UNKL: variants seen among roughly 807,000 people sequenced by gnomAD.
UNKL encodes the protein putative E3 ubiquitin-protein ligase UNKL.
A neutral mutation model predicts 78.0 loss-of-function variants in UNKL; 60 were observed. The ratio of observed to expected loss-of-function variants is 0.77; its 90% CI spans 0.63 to 0.95. The LOEUF (loss-of-function observed/expected upper bound fraction) is 0.95, where lower values mean the gene tolerates loss of function less well. Ranked by LOEUF, UNKL falls within the 40% of genes least tolerant of loss-of-function variation. The probability of loss-of-function intolerance (pLI) is 0.00; values close to 1 mark genes in which losing one functional copy is unlikely to be tolerated. For missense variants in UNKL, 1,159 were observed against 1,045.7 expected, an observed-to-expected ratio of 1.11 and a Z score of -1.49; for synonymous variants, 608 against 474.8, an observed-to-expected ratio of 1.28 and a Z score of -3.65.
chr16:1,394,199 T>C lies in UNKL; in HGVS notation c.869A>G (p.Lys290Arg). 1 of 1,550,660 alleles carries C rather than the reference T, an allele frequency of 6.4e-7. No homozygotes were observed. Among genetic ancestry groups the C allele is most frequent in the East Asian group, 2.4e-5 (1 of 40,920 alleles). Reference protein sequence around the residue: ...QFHPEIYKSTKCNDMRQTGYC... With the variant: ...QFHPEIYKSTRCNDMRQTGYC... ...CCCGGTTTGGCGCATGTCGTTGCAT[T>C]TTGTAGATTTGTAGATCTGGGGAAA... is the stretch of plus-strand genomic sequence containing the variant. Residue 290 changes from lysine to arginine, a missense_variant, in exon 7 of 15, where the codon AAA becomes AGA. Lys to Arg is a conservative substitution (Grantham distance 26, BLOSUM62 2). Coordinates refer to ENST00000389221, the MANE Select transcript of UNKL (RefSeq NM_001372107.1).
chr16:1,370,023 G>A (rs542399295), intron 12 of UNKL, 107 bp downstream of exon 12: 3 of 1,551,258 alleles, frequency 1.9e-6, no homozygotes, highest in East Asian at 4.9e-5. Context: ...TGCCACCACA[G>A]ATAGGGCACA....
rs1001714659 is a variant in UNKL, at chr16:1,400,404, C to T, written c.599-895G>A. On this transcript the variant is annotated intron_variant, in intron 4 of 14. Coordinates refer to ENST00000389221, the MANE Select transcript of UNKL (RefSeq NM_001372107.1). Reference sequence around the variant, plus strand: ...CTGCACTCCAGCCTGGGTGACAGAGCGAGACTCCATCTCAAAAAAAAAAAA... The same window carrying T: ...CTGCACTCCAGCCTGGGTGACAGAGTGAGACTCCATCTCAAAAAAAAAAAA... Among the ~76,000 whole-genome samples, 5 of 105,494 alleles carry T rather than the reference C, an allele frequency of 4.7e-5. No individual in the cohort carries two copies. The Admixed American group carries it at 4.8e-4, about 10-fold the overall frequency. The allele number at this position is 105,494 out of a possible 152,430, so 69.2% of individuals were successfully genotyped here. A position where few individuals can be genotyped will look rare whatever the true frequency, so the allele number is the denominator to read the frequency against.
chr16:1,414,514 G>A, intron 1 of UNKL, 101 bp downstream of exon 1: 1 of 263,158 alleles, frequency 3.8e-6, no homozygotes, highest in Non-Finnish European at 6.0e-6. Flanking sequence ...CTGCGCGGAG[G>A]CCGGGGGGCG....
intron 2 of UNKL, among the ~76,000 whole-genome samples, chr16:1,410,269 A>T (rs76279087): frequency 7.1e-6 from 1 of 141,278 alleles, no homozygotes; most frequent in Non-Finnish European, 1.6e-5. Flanking sequence ...CTGTCTCAGA[A>T]AAAAAAAAAA....
At chr16:1,383,578 C>T (rs374098379) in intron 10 of UNKL, 18 of 356,440 alleles carry the variant, frequency 5.0e-5, no homozygotes, top group African/African-American at 1.3e-4. Context: ...CCTAAGTGGC[C>T]GCTGGGAAGA....
intron 9 of UNKL, among the ~76,000 whole-genome samples, chr16:1,388,466 C>T (rs1009388586): frequency 3.3e-5 from 5 of 152,196 alleles, no homozygotes; most frequent in Non-Finnish European, 7.3e-5. Context: ...CATAAACCAA[C>T]AGGGACCAGA....
At position 1,387,246 on chromosome 16, in the gene UNKL, G is replaced by A. The variant is rs1031144093; in HGVS notation, c.1087-1861C>T. Among the ~76,000 whole-genome samples, 14 of 152,126 alleles carry A rather than the reference G, an allele frequency of 9.2e-5. No individual in the cohort carries two copies. Among genetic ancestry groups the A allele is most frequent in the Non-Finnish European group, 1.9e-4 (13 of 68,020 alleles). On this transcript the variant is annotated intron_variant, in intron 9 of 14. Coordinates refer to ENST00000389221, the MANE Select transcript of UNKL (RefSeq NM_001372107.1). The surrounding 1 kb of genome is among the most constrained non-coding windows in gnomAD (Gnocchi z 4.1). ...ACCGGGGACACTCCCAGCCATGCAT[G>A]GTGCTGCCAATACCCCCTATCAATC...
chr16:1,363,239 TA>T lies in UNKL; in HGVS notation c.*3000del. The stretch of plus-strand genomic sequence containing the variant: ...AGGTTTTAATTAATTCCCATACTGA[TA>T]AAAATAACTCCATGAATTCTGTAAA... On this transcript the variant is annotated 3_prime_UTR_variant, in exon 15 of 15. Coordinates refer to ENST00000389221, the MANE Select transcript of UNKL (RefSeq NM_001372107.1). 1 of 708,684 alleles carries T rather than the reference TA, an allele frequency of 1.4e-6. No homozygotes were observed. Among genetic ancestry groups the T allele is most frequent in the South Asian group, 1.5e-5 (1 of 64,768 alleles). 43.9% of individuals were successfully genotyped at this position (708,684 alleles called of 1,614,324 possible).
At position 1,399,199 on chromosome 16, in the gene UNKL, G is replaced by A; in HGVS notation, c.734+175C>T. The A allele has an allele frequency of 8.3e-7, 1 of 1,200,794 alleles. No homozygotes were observed. Among genetic ancestry groups the A allele is most frequent in the Non-Finnish European group, 1.1e-6 (1 of 889,692 alleles). The allele number at this position is 1,200,794 out of a possible 1,614,324, so 74.4% of individuals were successfully genotyped here. A position where few individuals can be genotyped will look rare whatever the true frequency, so the allele number is the denominator to read the frequency against. On this transcript the variant is annotated intron_variant, in intron 5 of 14. Transcript: ENST00000389221. The surrounding 1 kb of genome is among the most constrained non-coding windows in gnomAD (Gnocchi z 5.8). Reference sequence around the variant, plus strand: ...AGGCCCATCCCCAGGACAGACGCGTGGGCCTCCATGGCACCTCCCACAGCC... The same window carrying A: ...AGGCCCATCCCCAGGACAGACGCGTAGGCCTCCATGGCACCTCCCACAGCC...
intron 14 of UNKL, among the ~76,000 whole-genome samples, chr16:1,366,859 G>A (rs999571256): frequency 6.0e-5 from 9 of 150,586 alleles, no homozygotes; most frequent in African/African-American, 2.2e-4. Context: ...TGACAAGAGG[G>A]AGGGGTGAAA....
At chr16:1,408,355 T>A (rs2037871091) in intron 2 of UNKL, 1 of 151,248 alleles carries the variant, frequency 6.6e-6, no homozygotes, top group South Asian at 2.1e-4. Flanking sequence ...GAGGGGCGTG[T>A]CGCGCGGAAC....
At chr16:1,398,547 G>C in intron 5 of UNKL, 2 of 1,353,318 alleles carry the variant, frequency 1.5e-6, no homozygotes, top group Non-Finnish European at 1.9e-6. Context: ...TGCTCTCCGG[G>C]GCATGCGAGG....
intron 9 of UNKL, 86 bp downstream of exon 9, chr16:1,390,546 G>T: frequency 7.0e-7 from 1 of 1,431,194 alleles, no homozygotes. Context: ...GCCCTAACGC[G>T]ATGCCACGGG....
At chr16:1,405,872 G>A (rs749758309) in intron 2 of UNKL, 41 of 447,874 alleles carry the variant, frequency 9.2e-5, no homozygotes, top group African/African-American at 6.8e-4. Context: ...ATCCTGGAGT[G>A]CAAGAAGCTG....
chr16:1,393,108 A>AG, intron 7 of UNKL, 132 bp from the exon 8 acceptor site: 1 of 949,560 alleles, frequency 1.1e-6, no homozygotes, highest in Non-Finnish European at 1.6e-6. Context: ...GGTGCGGCAG[A>AG]GGACGGCTGG....
At chr16:1,380,320 G>A (rs1015013557) in intron 10 of UNKL, among the ~76,000 whole-genome samples, 7 of 152,180 alleles carry the variant, frequency 4.6e-5, no homozygotes, top group Admixed American at 1.3e-4. Flanking sequence ...CACCAGCTTT[G>A]TCCAAAACCC....
At position 1,371,082 on chromosome 16, in the gene UNKL, CAAAAAAAAAA is replaced by C. The variant is rs764163064; in HGVS notation, c.1357+427_1357+436del. Among the ~76,000 whole-genome samples the C allele has an allele frequency of 2.9e-5, 2 of 67,994 alleles. 1 individual carries two copies. Among genetic ancestry groups the C allele is most frequent in the South Asian group, 1.2e-3 (2 of 1,730 alleles). 44.6% of individuals were successfully genotyped at this position (67,994 alleles called of 152,430 possible). A position where few individuals can be genotyped will look rare whatever the true frequency, so the allele number is the denominator to read the frequency against. On this transcript the variant is annotated intron_variant, in intron 11 of 14. Coordinates refer to ENST00000389221, the MANE Select transcript of UNKL (RefSeq NM_001372107.1). The stretch of plus-strand genomic sequence containing the variant: ...TGGGCGACAGAGCGAGGCTCTGTCT[CAAAAAAAAAA>C]AAAAAAAAAAAGATACATTTGTATG...
At chr16:1,410,767 G>A (rs2038005343) in intron 2 of UNKL, among the ~76,000 whole-genome samples, 1 of 152,216 alleles carries the variant, frequency 6.6e-6, no homozygotes, top group Non-Finnish European at 1.5e-5. Context: ...ATCAGGGGCT[G>A]AGCCCAGACA....
At chr16:1,413,243 CAAAAAAAAAAAA>C (rs546295462) in intron 2 of UNKL, among the ~76,000 whole-genome samples, 10 of 71,660 alleles carry the variant, frequency 1.4e-4, no homozygotes, top group African/African-American at 3.9e-4. Context: ...GACCCTGTCT[CAAAAAAAAAAAA>C]AAAAAAAAAA....
Sources: allele counts gnomAD v4.1 joint callset (sites outside exome capture counted in the v4.1 genomes callset), GRCh38; gene constraint gnomAD v4.1.1; non-coding constraint Gnocchi (gnomAD v3.1); transcripts MANE v1.5; gene names NCBI Gene and HGNC (gene_info 2026-07-23, HGNC 2026-07-21).